The following FZD3 variants were observed in gnomAD, a reference collection of about 807,000 sequenced individuals.
The protein encoded by FZD3 is frizzled-3.
In FZD3, 30 loss-of-function variants were observed where a neutral mutation model predicts 60.7. The ratio of observed to expected loss-of-function variants is 0.49; its 90% confidence interval spans 0.37 to 0.67. The LOEUF is 0.67. FZD3 is among the 30% of genes least tolerant of loss of function. The probability of loss-of-function intolerance (pLI) is 0.00; values close to 1 mark genes in which losing one functional copy is unlikely to be tolerated. For missense variants in FZD3, 605 were observed against 838.7 expected (o/e 0.72, Z 3.44); for synonymous variants, 246 against 275.2 (o/e 0.89, Z 1.05).
At chr8:28,504,366 A>G (rs567640664) in intron 3 of FZD3, among the ~76,000 whole-genome samples, 9 of 152,340 alleles carry the variant, frequency 5.9e-5, no homozygotes, top group African/African-American at 1.9e-4. Context: ...GGTTTAATAC[A>G]GTAAGTTGGT....
intron 5 of FZD3, among the ~76,000 whole-genome samples, chr8:28,543,979 T>G (rs1805236220): frequency 6.6e-6 from 1 of 151,996 alleles, no homozygotes; most frequent in Non-Finnish European, 1.5e-5. Flanking sequence ...AAACAGTTCT[T>G]CAGGACTTCT....
chr8:28,545,898 A>T (rs1302103393), intron 5 of FZD3, among the ~76,000 whole-genome samples: 1 of 152,230 alleles, frequency 6.6e-6, no homozygotes, highest in East Asian at 1.9e-4. Context: ...TAGACCGCAT[A>T]TGCGACTATG....
rs769370555 is a variant in FZD3, at chr8:28,527,856, T to C, written c.1096T>C (p.Tyr366His). The stretch of plus-strand genomic sequence containing the variant: ...TAGTGGCGTGTGTTTTGTTGGCCTC[T>C]ACGATGTTGATGCATTGAGATATTT... ...NISGVCFVGLYDVDALRYFVL... is the reference protein window; with the variant it reads ...NISGVCFVGLHDVDALRYFVL... The change falls in exon 5 of 8, where the codon TAC becomes CAC. Residue 366 changes from tyrosine (Y) to histidine (H), a missense_variant. Physicochemically the swap from Tyr to His is moderately conservative, Grantham distance 83. Transcript: ENST00000240093. This position sits in a 1 kb window ranked among gnomAD's most constrained non-coding sequence, Gnocchi z 5.0. The C allele has an allele frequency of 6.2e-7, 1 of 1,614,088 alleles. No individual in the cohort carries two copies. The highest frequency in any genetic ancestry group is 8.5e-7 in the Non-Finnish European group (1 of 1,179,946).
chr8:28,555,813 T>C lies in FZD3; in HGVS notation c.1629T>C (p.Pro543=). Residue 543 remains proline, a synonymous_variant, in exon 7 of 8, where the codon CCT becomes CCC. Transcript: ENST00000240093. ...CTCTCCTGAGGGATCCAAATACTCCTATCATAAGAAAGTCAAGGGGAACTT... is the reference window on the plus strand; with the variant it reads ...CTCTCCTGAGGGATCCAAATACTCCCATCATAAGAAAGTCAAGGGGAACTT... ...AQSLLRDPNT[P]IIRKSRGTST... 2 of 1,613,846 alleles carry C rather than the reference T, an allele frequency of 1.2e-6. No homozygotes were observed. Among genetic ancestry groups the C allele is most frequent in the Non-Finnish European group, 1.7e-6 (2 of 1,179,702 alleles).
At chr8:28,538,370 G>A (rs1248353551) in intron 5 of FZD3, among the ~76,000 whole-genome samples, 1 of 152,048 alleles carries the variant, frequency 6.6e-6, no homozygotes, top group African/African-American at 2.4e-5. Context: ...GTTATATGCT[G>A]TGTGTCATGT....
At chr8:28,548,817 G>A (rs1447170732) in intron 5 of FZD3, among the ~76,000 whole-genome samples, 1 of 152,054 alleles carries the variant, frequency 6.6e-6, no homozygotes. Flanking sequence ...ACTAAATCAA[G>A]GAGAATCTGC....
At chr8:28,496,893 C>T (rs777568389) in intron 1 of FZD3, among the ~76,000 whole-genome samples, 9 of 152,082 alleles carry the variant, frequency 5.9e-5, no homozygotes, top group Non-Finnish European at 1.0e-4. Context: ...ACCTTACAAA[C>T]TTGTTAAGAG....
chr8:28,530,766 C>G (rs1023285706), intron 5 of FZD3, among the ~76,000 whole-genome samples: 2 of 150,282 alleles, frequency 1.3e-5, no homozygotes, highest in Non-Finnish European at 3.0e-5. Context: ...CCCATAAAAG[C>G]CTGTACAATT....
intron 5 of FZD3, among the ~76,000 whole-genome samples, chr8:28,550,051 TTTTC>T (rs1447863933): frequency 3.9e-5 from 6 of 152,256 alleles, no homozygotes; most frequent in Admixed American, 3.3e-4. Context: ...ATTTTAATCG[TTTTC>T]TTTGTCTGTG....
intron 3 of FZD3, among the ~76,000 whole-genome samples, chr8:28,509,512 A>G (rs1042481574): frequency 6.6e-6 from 1 of 152,192 alleles, no homozygotes; most frequent in African/African-American, 2.4e-5. Flanking sequence ...CATTTAAGTA[A>G]CATAATTACA....
chr8:28,507,174 TC>T (rs1325619788), intron 3 of FZD3, among the ~76,000 whole-genome samples: 1 of 152,230 alleles, frequency 6.6e-6, no homozygotes, highest in Non-Finnish European at 1.5e-5. Context: ...ACTGGCTTTT[TC>T]TAATCAGGGT....
chr8:28,498,722 T>C (rs1803911822), intron 1 of FZD3, among the ~76,000 whole-genome samples: 1 of 152,164 alleles, frequency 6.6e-6, no homozygotes, highest in African/African-American at 2.4e-5. Context: ...TACAGGCGCA[T>C]GCCAGCTAAT....
chr8:28,496,627 TATA>T (rs1803851746), intron 1 of FZD3, among the ~76,000 whole-genome samples: 1 of 152,214 alleles, frequency 6.6e-6, no homozygotes, highest in South Asian at 2.1e-4. Flanking sequence ...GTGATATTTC[TATA>T]ATGTTAGGAA....
In FZD3 at chr8:28,542,850, T is replaced by C. The variant is rs117153359; in HGVS notation, c.1405-8753T>C. Among the ~76,000 whole-genome samples, 717 of 152,336 alleles carry C rather than the reference T, an allele frequency of 4.7e-3. 25 individuals carry two copies. The East Asian group carries it at 0.091, about 19-fold the overall frequency. Reference sequence around the variant, plus strand: ...AGAATTTTCTGACTATTTGCTGTTATGTCTTTTGTACAAGGTCATGGTAGC... The same window carrying C: ...AGAATTTTCTGACTATTTGCTGTTACGTCTTTTGTACAAGGTCATGGTAGC... On this transcript the variant is annotated intron_variant, in intron 5 of 7. Coordinates refer to ENST00000240093, the MANE Select transcript of FZD3 (RefSeq NM_017412.4).
At chr8:28,497,715 G>C (rs948974272) in intron 1 of FZD3, among the ~76,000 whole-genome samples, 1 of 152,156 alleles carries the variant, frequency 6.6e-6, no homozygotes, top group Non-Finnish European at 1.5e-5. Context: ...GTGTGAATTG[G>C]AATAGAGTTG....
chr8:28,541,835 A>G (rs1805175108), intron 5 of FZD3, among the ~76,000 whole-genome samples: 1 of 152,114 alleles, frequency 6.6e-6, no homozygotes, highest in Non-Finnish European at 1.5e-5. Context: ...CCAGATTTGG[A>G]GCTATCTTTG....
chr8:28,564,103 T>TATA lies in FZD3; in HGVS notation c.*1094_*1096dup, dbSNP rs1448110763. ...CATTCTTGTTTACAACTGAAATATA[T>TATA]ATAACCTCAGTCCAAAGTGGTGATT... is the stretch of plus-strand genomic sequence containing the variant. On this transcript the variant is annotated 3_prime_UTR_variant, in exon 8 of 8. Transcript: ENST00000240093. 6 of 152,776 alleles carry TATA rather than the reference T, an allele frequency of 3.9e-5. No individual in the cohort carries two copies. The highest frequency in any genetic ancestry group is 1.4e-4 in the African/African-American group (6 of 41,566). 9.5% of individuals were successfully genotyped at this position (152,776 alleles called of 1,614,324 possible).
intron 5 of FZD3, among the ~76,000 whole-genome samples, chr8:28,537,557 A>G (rs1381882048): frequency 1.5e-5 from 2 of 136,436 alleles, no homozygotes; most frequent in Non-Finnish European, 3.3e-5. Context: ...CTGCTATGGT[A>G]CAAAAGCAGC....
intron 5 of FZD3, among the ~76,000 whole-genome samples, chr8:28,530,236 TGGAGTA>T (rs954380795): frequency 1.3e-5 from 2 of 151,994 alleles, no homozygotes; most frequent in Non-Finnish European, 2.9e-5. Context: ...AACTGTAAGC[TGGAGTA>T]GGAGTCCTAG....
Sources: allele counts gnomAD v4.1 joint callset (sites outside exome capture counted in the v4.1 genomes callset), GRCh38; gene constraint gnomAD v4.1.1; non-coding constraint Gnocchi (gnomAD v3.1); transcripts MANE v1.5; gene names NCBI Gene and HGNC (gene_info 2026-07-23, HGNC 2026-07-21).